KIAA1217: variants seen among roughly 807,000 people sequenced by gnomAD.
The protein encoded by KIAA1217 is KIAA1217.
A neutral mutation model predicts 163.9 loss-of-function variants in KIAA1217; 88 were observed. That is an observed-to-expected ratio of 0.54 (90% confidence interval 0.45 to 0.64). The LOEUF (loss-of-function observed/expected upper bound fraction) is 0.64. Ranked by LOEUF, KIAA1217 falls within the 30% of genes least tolerant of loss-of-function variation. The probability of loss-of-function intolerance (pLI) is 0.00; values close to 1 mark genes in which losing one functional copy is unlikely to be tolerated. For synonymous variants in KIAA1217, 903 were observed against 923.1 expected (o/e 0.98, Z 0.39); for missense variants, 2,372 against 2,475.0 (o/e 0.96, Z 0.88).
intron 1 of KIAA1217, among the ~76,000 whole-genome samples, chr10:23,943,476 T>C (rs959196846): frequency 1.3e-5 from 2 of 152,228 alleles, no homozygotes; most frequent in Non-Finnish European, 2.9e-5. Flanking sequence ...ATAGATGATC[T>C]AAATAAATGA....
chr10:23,971,368 A>G (rs1319747974), intron 1 of KIAA1217, among the ~76,000 whole-genome samples: 3 of 152,184 alleles, frequency 2.0e-5, no homozygotes, highest in South Asian at 2.1e-4. Flanking sequence ...GTTTCTATCT[A>G]TTGGGAGACA....
chr10:24,490,145 G>A (rs2065929619), intron 6 of KIAA1217, among the ~76,000 whole-genome samples: 1 of 152,144 alleles, frequency 6.6e-6, no homozygotes, highest in Admixed American at 6.5e-5. Flanking sequence ...CAGACAGGCT[G>A]ACTTAAGACA....
At chr10:23,748,439 T>TGGAAGGAA (rs1191194593) in intron 1 of KIAA1217, among the ~76,000 whole-genome samples, 1 of 133,762 alleles carries the variant, frequency 7.5e-6, no homozygotes, top group African/African-American at 3.2e-5. Context: ...GAAATGCTTC[T>TGGAAGGAA]GGAAGGAAGG....
chr10:24,337,921 G>A lies in KIAA1217; in HGVS notation c.355-42948G>A, dbSNP rs547957880. Among the ~76,000 whole-genome samples, 712 of 152,250 alleles carry A rather than the reference G, an allele frequency of 4.7e-3. 2 individuals carry two copies. Among genetic ancestry groups the A allele is most frequent in the Non-Finnish European group, 5.5e-3 (376 of 68,022 alleles). ...GCCTCCCAAAATGCTGGGATTCCAGGCATGAGCCACCGCGCCCGGCCCGTA... is the reference window on the plus strand; with the variant it reads ...GCCTCCCAAAATGCTGGGATTCCAGACATGAGCCACCGCGCCCGGCCCGTA... On this transcript the variant is annotated intron_variant, in intron 2 of 20. Coordinates refer to ENST00000376454, the MANE Select transcript of KIAA1217 (RefSeq NM_019590.5).
At chr10:24,497,815 G>A (rs2066997595) in intron 8 of KIAA1217, among the ~76,000 whole-genome samples, 1 of 151,406 alleles carries the variant, frequency 6.6e-6, no homozygotes, top group Non-Finnish European at 1.5e-5. Context: ...AATGGACATT[G>A]GAGACTCAGA....
chr10:24,290,385 G>T lies in KIAA1217; in HGVS notation c.354+70476G>T, dbSNP rs146456602. 2.6e-3 allele frequency among the ~76,000 whole-genome samples: 394 copies of T among 151,972 alleles called. 4 individuals carry two copies. Among genetic ancestry groups the T allele is most frequent in the African/African-American group, 8.8e-3 (364 of 41,414 alleles). On this transcript the variant is annotated intron_variant, in intron 2 of 20. Coordinates refer to ENST00000376454, the MANE Select transcript of KIAA1217 (RefSeq NM_019590.5). ...CACAATTTCTCTCAGTGGATTTTAG[G>T]GTTTTGGAAAAGGCCACAAGTGCCC...
At chr10:23,797,943 G>T (rs1445041985) in intron 1 of KIAA1217, among the ~76,000 whole-genome samples, 1 of 152,196 alleles carries the variant, frequency 6.6e-6, no homozygotes, top group Non-Finnish European at 1.5e-5. Flanking sequence ...TAAACTTGGA[G>T]GAACAATAGA....
At chr10:24,312,062 C>T (rs2042767490) in intron 2 of KIAA1217, among the ~76,000 whole-genome samples, 1 of 152,156 alleles carries the variant, frequency 6.6e-6, no homozygotes. Context: ...CGAGGAGAAG[C>T]AGGCAATGTC....
chr10:24,501,567 C>T, intron 9 of KIAA1217, 22 bp downstream of exon 9: 3 of 1,603,096 alleles, frequency 1.9e-6, no homozygotes, highest in Non-Finnish European at 2.6e-6. Context: ...GCACGGCGGC[C>T]TCTGTCTCGG....
At chr10:24,469,544 G>A (rs1182937236) in intron 5 of KIAA1217, among the ~76,000 whole-genome samples, 1 of 152,218 alleles carries the variant, frequency 6.6e-6, no homozygotes, top group Non-Finnish European at 1.5e-5. Context: ...GGAAGGAAAA[G>A]AGAACAGGGA....
At chr10:24,440,054 A>G (rs552368144) in intron 5 of KIAA1217, among the ~76,000 whole-genome samples, 1 of 152,336 alleles carries the variant, frequency 6.6e-6, no homozygotes, top group South Asian at 2.1e-4. Flanking sequence ...TGGAATATGA[A>G]TGACGACATT....
chr10:23,961,185 T>C (rs1844805015), intron 1 of KIAA1217, among the ~76,000 whole-genome samples: 2 of 152,224 alleles, frequency 1.3e-5, no homozygotes, highest in African/African-American at 4.8e-5. Context: ...TTTATCTTCT[T>C]GCCTTTCCTC....
chr10:24,211,595 T>TATTG lies in KIAA1217; in HGVS notation c.70+2332_70+2333insATTG, dbSNP rs1564836416. On this transcript the variant is annotated intron_variant, in intron 1 of 20. Coordinates refer to ENST00000376454, the MANE Select transcript of KIAA1217 (RefSeq NM_019590.5). ...GTATTGTATTGTATTGTATTGTATT[T>TATTG]TATTTTATTTTAGAGAAGGGGTCTT... is the stretch of plus-strand genomic sequence containing the variant. Among the ~76,000 whole-genome samples the TATTG allele has an allele frequency of 4.3e-3, 604 of 139,564 alleles. 4 individuals are homozygous for TATTG. Among genetic ancestry groups the TATTG allele is most frequent in the East Asian group, 0.011 (50 of 4,632 alleles). 91.6% of individuals were successfully genotyped at this position (139,564 alleles called of 152,430 possible). A position where few individuals can be genotyped will look rare whatever the true frequency, so the allele number is the denominator to read the frequency against.
intron 2 of KIAA1217, among the ~76,000 whole-genome samples, chr10:24,151,711 C>A (rs1220298615): frequency 6.6e-6 from 1 of 151,620 alleles, no homozygotes; most frequent in Non-Finnish European, 1.5e-5. Context: ...CGGAAGGCCC[C>A]TTGCTAGATG....
At chr10:24,050,315 T>A (rs575115073) in intron 2 of KIAA1217, among the ~76,000 whole-genome samples, 13 of 152,300 alleles carry the variant, frequency 8.5e-5, no homozygotes, top group African/African-American at 3.1e-4. Context: ...TTTAATTAGA[T>A]CTCATTTGTC....
At chr10:24,243,130 T>G (rs1165644095) in intron 2 of KIAA1217, among the ~76,000 whole-genome samples, 1 of 152,224 alleles carries the variant, frequency 6.6e-6, no homozygotes, top group African/African-American at 2.4e-5. Context: ...AAGCAAATAT[T>G]TATTTCATTC....
chr10:24,360,732 G>T (rs569601214), intron 2 of KIAA1217, among the ~76,000 whole-genome samples: 3 of 152,226 alleles, frequency 2.0e-5, no homozygotes, highest in Admixed American at 2.0e-4. Flanking sequence ...AACTCGAAAC[G>T]TAATCAACGT....
chr10:24,116,251 G>A (rs897224291), intron 2 of KIAA1217, among the ~76,000 whole-genome samples: 1 of 151,962 alleles, frequency 6.6e-6, no homozygotes, highest in Non-Finnish European at 1.5e-5. Context: ...TACAATTATG[G>A]TGATACACCT....
chr10:24,494,683 A>G, intron 7 of KIAA1217, 79 bp downstream of exon 7: 1 of 1,000,250 alleles, frequency 1.0e-6, no homozygotes, highest in Non-Finnish European at 1.5e-6. Flanking sequence ...ATTCATTCAA[A>G]TCTGTTTTCT....
Sources: gnomAD v4.1 joint callset for allele counts (sites outside exome capture counted in the v4.1 genomes callset) on GRCh38, gnomAD v4.1.1 for gene constraint, MANE v1.5 for transcripts, NCBI Gene and HGNC (gene_info 2026-07-23, HGNC 2026-07-21) for gene names.